THBS1: variants seen among roughly 807,000 people sequenced by gnomAD.
THBS1 encodes the protein thrombospondin-1.
THBS1 carries 29 observed loss-of-function variants against 126.1 expected under a neutral mutation model. The ratio of observed to expected loss-of-function variants is 0.23; its 90% confidence interval spans 0.17 to 0.31. The LOEUF is 0.31. Among genes scored for constraint, THBS1 ranks in the 10% least tolerant of loss-of-function variants. The pLI is 1.00. For synonymous variants in THBS1, 496 were observed against 577.8 expected (o/e 0.86, Z 2.03); for missense variants, 1,198 against 1,545.2 (o/e 0.78, Z 3.77).
At position 39,596,008 on chromosome 15, in the gene THBS1, C is replaced by T. The variant is rs1229573474; in HGVS notation, c.*639C>T. ...CTTAAATAGAAGCAGGAAAGGGAGACAAAGACTGGCTTCTGGACTTCCTCC... is the reference window on the plus strand; with the variant it reads ...CTTAAATAGAAGCAGGAAAGGGAGATAAAGACTGGCTTCTGGACTTCCTCC... On this transcript the variant is annotated 3_prime_UTR_variant, in exon 22 of 22. Transcript: ENST00000260356. 2.6e-6 allele frequency: 1 copy of T among 386,518 alleles called. No homozygotes were observed. Among genetic ancestry groups the T allele is most frequent in the East Asian group, 7.2e-5 (1 of 13,794 alleles). 23.9% of individuals were successfully genotyped at this position (386,518 alleles called of 1,614,324 possible). A position where few individuals can be genotyped will look rare whatever the true frequency, so the allele number is the denominator to read the frequency against.
At chr15:39,591,408 A>G (rs1890326027) in intron 15 of THBS1, 58 bp downstream of exon 15, 3 of 1,598,114 alleles carry the variant, frequency 1.9e-6, no homozygotes, top group Non-Finnish European at 2.6e-6. Flanking sequence ...CAGCTTTCCA[A>G]ACGTACTTCT....
rs1186474473 is a variant in THBS1 at position 39,598,777 on chromosome 15, T to C, written c.*3408T>C. 5 of 152,022 alleles carry C rather than the reference T, an allele frequency of 3.3e-5. No homozygotes were observed. Among genetic ancestry groups the C allele is most frequent in the Non-Finnish European group, 7.4e-5 (5 of 68,014 alleles). 9.4% of individuals were successfully genotyped at this position (152,022 alleles called of 1,614,324 possible). On this transcript the variant is annotated 3_prime_UTR_variant, in exon 22 of 22. Coordinates refer to ENST00000260356, the MANE Select transcript of THBS1 (RefSeq NM_003246.4). ...AGAGCTCGAGTGAAGAGCAATAAAC[T>C]CCAGGTCTTATAAGAATGTACATAC...
At chr15:39,584,612 A>C (rs1437380566) in intron 6 of THBS1, among the ~76,000 whole-genome samples, 190 bp downstream of exon 6, 1 of 152,200 alleles carries the variant, frequency 6.6e-6, no homozygotes, top group Non-Finnish European at 1.5e-5. Context: ...ATGGTTTATC[A>C]AAGTATTAAT....
chr15:39,592,847 G>C lies in THBS1; in HGVS notation c.2767+45G>C. The stretch of plus-strand genomic sequence containing the variant: ...TTCTAAGACAGGGACTGCTGGCACA[G>C]CTGTGTAGATTGAAGAAATGAAACC... On this transcript the variant is annotated intron_variant, in intron 17 of 21. Transcript: ENST00000260356. The surrounding 1 kb of genome is among the most constrained non-coding windows in gnomAD (Gnocchi z 4.3). 6.3e-7 allele frequency: 1 copy of C among 1,587,020 alleles called. No individual in the cohort carries two copies. Among genetic ancestry groups the C allele is most frequent in the Non-Finnish European group, 8.6e-7 (1 of 1,162,142 alleles).
In THBS1 at chr15:39,590,005, G is replaced by A. The variant is rs745765831; in HGVS notation, c.2127G>A (p.Ala709=). 2.3e-5 allele frequency: 37 copies of A among 1,606,384 alleles called. No individual in the cohort carries two copies. Among genetic ancestry groups the A allele is most frequent in the East Asian group, 2.2e-4 (10 of 44,566 alleles). The part of the protein sequence containing the change: ...PNENLVCVAN[A]TYHCKKDNCP... ...AGAACCTGGTGTGCGTGGCCAATGC[G>A]ACTTACCACTGCAAAAAGGTAGAGC... The change falls in exon 13 of 22, where the codon GCG becomes GCA. Residue 709 remains alanine (A), a synonymous_variant. Coordinates refer to ENST00000260356, the MANE Select transcript of THBS1 (RefSeq NM_003246.4).
chr15:39,584,595 C>G (rs1406817625), intron 6 of THBS1, among the ~76,000 whole-genome samples, 173 bp downstream of exon 6: 1 of 151,728 alleles, frequency 6.6e-6, no homozygotes, highest in Non-Finnish European at 1.5e-5. Context: ...CTTCTTTAAA[C>G]TCTCAGATGG....
At position 39,592,488 on chromosome 15, in the gene THBS1, C is replaced by A; in HGVS notation, c.2533-80C>A. 8.5e-7 allele frequency: 1 copy of A among 1,182,050 alleles called. No individual in the cohort carries two copies. 73.2% of individuals were successfully genotyped at this position (1,182,050 alleles called of 1,614,324 possible). A position where few individuals can be genotyped will look rare whatever the true frequency, so the allele number is the denominator to read the frequency against. ...GCTGTATCAAACAATGGAGAATTTT[C>A]CCTGTGGTGGGGGCATAAGTTATCT... is the stretch of plus-strand genomic sequence containing the variant. On this transcript the variant is annotated intron_variant, in intron 16 of 21. Transcript: ENST00000260356. This position sits in a 1 kb window ranked among gnomAD's most constrained non-coding sequence, Gnocchi z 4.3.
chr15:39,583,672 G>T lies in THBS1; in HGVS notation c.683G>T (p.Arg228Met). The change falls in exon 4 of 22, where the codon AGG becomes ATG. Residue 228 changes from arginine (R) to methionine (M), a missense_variant. Physicochemically the swap from Arg to Met is moderately conservative, Grantham distance 91. This residue lies in a region of THBS1 where 663 missense variants were observed against 860.1 expected (regional missense o/e 0.77). Transcript: ENST00000260356. Reference sequence around the variant, plus strand: ...GGAACCACACCAGAAGACATCCTCAGGAACAAAGGCTGCTCCAGCTGTGAG... The same window carrying T: ...GGAACCACACCAGAAGACATCCTCATGAACAAAGGCTGCTCCAGCTGTGAG... ...VFGTTPEDIL[R>M]NKGCSSSTSV... 6.2e-7 allele frequency: 1 copy of T among 1,613,804 alleles called. No homozygotes were observed. Among genetic ancestry groups the T allele is most frequent in the Non-Finnish European group, 8.5e-7 (1 of 1,179,864 alleles).
chr15:39,595,253 A>G (rs1890411973), intron 21 of THBS1, 109 bp from the exon 22 acceptor site: 2 of 696,776 alleles, frequency 2.9e-6, no homozygotes, highest in Admixed American at 3.7e-5. Flanking sequence ...GGCTTTTGTC[A>G]TTAGAAAAGT....
intron 21 of THBS1, among the ~76,000 whole-genome samples, 191 bp from the exon 22 acceptor site, chr15:39,595,171 T>G (rs1460696305): frequency 1.3e-5 from 2 of 152,234 alleles, no homozygotes; most frequent in African/African-American, 4.8e-5. Flanking sequence ...AGGTTCACGC[T>G]GTGTCGGTCT....
rs1890529462 is a variant in THBS1, at chr15:39,598,497, A to G, written c.*3128A>G. On this transcript the variant is annotated 3_prime_UTR_variant, in exon 22 of 22. Coordinates refer to ENST00000260356, the MANE Select transcript of THBS1 (RefSeq NM_003246.4). ...CATCATTCATTATCAGAAGAGTTCA[A>G]CGTTTGAAGTGCTGGGAGATAATTC... 1 of 152,228 alleles carries G rather than the reference A, an allele frequency of 6.6e-6. No individual in the cohort carries two copies. The highest frequency in any genetic ancestry group is 6.5e-5 in the Admixed American group (1 of 15,288). 9.4% of individuals were successfully genotyped at this position (152,228 alleles called of 1,614,324 possible).
chr15:39,583,735 G>A (rs1456688547), intron 4 of THBS1, 43 bp downstream of exon 4: 2 of 1,578,502 alleles, frequency 1.3e-6, no homozygotes, highest in East Asian at 4.5e-5. Flanking sequence ...GAATCAGGGG[G>A]AATTCCACCA....
Position 39,592,505 on chromosome 15 carries a change from A to C in THBS1, c.2533-63A>C. 2 of 1,377,710 alleles carry C rather than the reference A, an allele frequency of 1.5e-6. No homozygotes were observed. Among genetic ancestry groups the C allele is most frequent in the Non-Finnish European group, 1.0e-6 (1 of 1,004,454 alleles). The allele number at this position is 1,377,710 out of a possible 1,614,324, so 85.3% of individuals were successfully genotyped here. On this transcript the variant is annotated intron_variant, in intron 16 of 21. Transcript: ENST00000260356. The surrounding 1 kb of genome is among the most constrained non-coding windows in gnomAD (Gnocchi z 4.3). ...AGAATTTTCCCTGTGGTGGGGGCAT[A>C]AGTTATCTTTAACATGAATGGTTTA...
rs746569828 is a variant in THBS1 at position 39,581,954 on chromosome 15, G to A, written c.67+30G>A. On this transcript the variant is annotated intron_variant, in intron 2 of 21. Transcript: ENST00000260356. ...GTTTGTGTGGCACCTTTAGGGGAAG[G>A]AGGGACAAGGAAGAGGTGCTGGCTA... The A allele has an allele frequency of 3.1e-6, 5 of 1,612,440 alleles. No homozygotes were observed. The South Asian group carries it at 5.5e-5, about 18-fold the overall frequency.
chr15:39,595,334 T>A (rs376193323), intron 21 of THBS1, 28 bp from the exon 22 acceptor site: 1 of 1,350,160 alleles, frequency 7.4e-7, no homozygotes, highest in Admixed American at 2.5e-5. Flanking sequence ...TTCATTTGTA[T>A]ATTTATTTAT....
rs751733166 is a variant in THBS1 at position 39,581,910 on chromosome 15, C to T, written c.53C>T (p.Thr18Ile). The T allele has an allele frequency of 6.2e-7, 1 of 1,614,120 alleles. No homozygotes were observed. Among genetic ancestry groups the T allele is most frequent in the Non-Finnish European group, 8.5e-7 (1 of 1,180,012 alleles). Residue 18 changes from threonine (T) to isoleucine (I), a missense_variant, in exon 2 of 22, where the codon ACC (threonine) becomes ATC (isoleucine). This residue lies in a region of THBS1 where 271 missense variants were observed against 277.0 expected (regional missense o/e 0.98). Coordinates refer to ENST00000260356, the MANE Select transcript of THBS1 (RefSeq NM_003246.4). ...GVLFLMHVCG[T>I]NRIPESGGDN... ...CTGTTCCTGATGCATGTGTGTGGCA[C>T]CAACCGCATTCCAGGTGAGTTTGTG...
chr15:39,585,322 T>C lies in THBS1; in HGVS notation c.1027-148T>C, dbSNP rs1200458687. The stretch of plus-strand genomic sequence containing the variant: ...TCTACGATAGTGGTGGCTGCAAATA[T>C]GACAGAGACAGATCTATGAAAATCA... On this transcript the variant is annotated intron_variant, in intron 6 of 21. Transcript: ENST00000260356. 7 of 670,584 alleles carry C rather than the reference T, an allele frequency of 1.0e-5. No individual in the cohort carries two copies. The Admixed American group carries it at 1.6e-4, about 15-fold the overall frequency. The allele number at this position is 670,584 out of a possible 1,614,324, so 41.5% of individuals were successfully genotyped here.
chr15:39,586,686 CCT>C (rs1438825806), intron 7 of THBS1: 1 of 152,178 alleles, frequency 6.6e-6, no homozygotes, highest in Non-Finnish European at 1.5e-5. Flanking sequence ...GTATGGCTCC[CCT>C]GACAGAAATG....
In THBS1 at chr15:39,592,868, A is replaced by C. The variant is rs41305270; in HGVS notation, c.2767+66A>C. On this transcript the variant is annotated intron_variant, in intron 17 of 21. Coordinates refer to ENST00000260356, the MANE Select transcript of THBS1 (RefSeq NM_003246.4). This position sits in a 1 kb window ranked among gnomAD's most constrained non-coding sequence, Gnocchi z 4.3. ...CACAGCTGTGTAGATTGAAGAAATG[A>C]AACCAAGGCTCAAAGCATTTGACAG... The C allele has an allele frequency of 1.7e-4, 273 of 1,564,686 alleles. No individual in the cohort carries two copies. The highest frequency in any genetic ancestry group is 1.8e-4 in the Non-Finnish European group (212 of 1,147,270).
Sources: gnomAD v4.1 joint callset for allele counts (sites outside exome capture counted in the v4.1 genomes callset) on GRCh38, gnomAD v4.1.1 for gene constraint, gnomAD v4.1.1 regional missense constraint, Gnocchi (gnomAD v3.1) non-coding constraint, MANE v1.5 for transcripts, NCBI Gene and HGNC (gene_info 2026-07-23, HGNC 2026-07-21) for gene names.